Variants in ZNF385D observed in about 807,000 individuals in gnomAD.
ZNF385D encodes the protein zinc finger protein 385D, also known as zinc finger protein 659.
In ZNF385D, 15 loss-of-function variants were observed where a neutral mutation model predicts 35.8. The ratio of observed to expected loss-of-function variants is 0.42; its 90% CI spans 0.28 to 0.64. The LOEUF is 0.64. Among genes scored for constraint, ZNF385D ranks in the 30% least tolerant of loss-of-function variants. The pLI is 0.23. For missense variants in ZNF385D, 474 were observed against 494.6 expected (o/e 0.96, Z 0.39); for synonymous variants, 212 against 186.8 (o/e 1.13, Z -1.10).
chr3:22,314,171 ATGAG>A (rs1703753253), intron 2 of ZNF385D, among the ~76,000 whole-genome samples: 1 of 152,082 alleles, frequency 6.6e-6, no homozygotes, highest in African/African-American at 2.4e-5. Flanking sequence ...AGTTGGTTAT[ATGAG>A]TAAGTTCTTT....
chr3:21,933,557 A>G (rs1297244524), intron 3 of ZNF385D, among the ~76,000 whole-genome samples: 2 of 152,198 alleles, frequency 1.3e-5, no homozygotes, highest in East Asian at 3.9e-4. Flanking sequence ...TTTGTACTAT[A>G]TGGGCCTAAC....
At chr3:21,425,772 T>A in intron 5 of ZNF385D, 102 bp from the exon 6 acceptor site, 1 of 1,058,144 alleles carries the variant, frequency 9.5e-7, no homozygotes, top group Non-Finnish European at 1.3e-6. Flanking sequence ...AGTATATACC[T>A]TTAAGAAACA....
chr3:21,732,030 G>GTTTTTTTTTTTTTTTTTTTTT (rs1214143626), intron 1 of ZNF385D, among the ~76,000 whole-genome samples: 6 of 37,370 alleles, frequency 1.6e-4, no homozygotes, highest in Non-Finnish European at 2.8e-4. Flanking sequence ...TTTTTTCGGG[G>GTTTTTTTTTTTTTTTTTTTTT]TTTTTTTTTT....
intron 3 of ZNF385D, among the ~76,000 whole-genome samples, chr3:21,874,441 C>T (rs1697858364): frequency 1.3e-5 from 2 of 152,018 alleles, no homozygotes; most frequent in South Asian, 2.1e-4. Context: ...AATATTTTCT[C>T]CCACTCTGTA....
intron 3 of ZNF385D, among the ~76,000 whole-genome samples, chr3:21,809,933 T>C (rs946400737): frequency 3.3e-5 from 5 of 152,266 alleles, no homozygotes; most frequent in Admixed American, 6.5e-5. Flanking sequence ...TAGGCATAAA[T>C]TGTTTCACTG....
chr3:21,475,960 A>G (rs2125359681), intron 4 of ZNF385D, among the ~76,000 whole-genome samples: 1 of 152,172 alleles, frequency 6.6e-6, no homozygotes, highest in Non-Finnish European at 1.5e-5. Context: ...TGTATTTTGC[A>G]TGCCCAGTAA....
At position 21,421,352 on chromosome 3, in the gene ZNF385D, T is replaced by G. The variant is rs1376805464; in HGVS notation, c.1050A>C (p.Ala350=). 6.8e-6 allele frequency: 11 copies of G among 1,613,756 alleles called. 1 individual carries two copies. The South Asian group carries it at 1.2e-4, about 18-fold the overall frequency. Residue 350 remains alanine, a synonymous_variant, in exon 8 of 8, where the codon GCA becomes GCC. Transcript: ENST00000281523. Reference sequence around the variant, plus strand: ...TTCGAAGACTGAAGGGGGAACTCACTGCCACTGCTGCTGCGGCTGCTGCAG... The same window carrying G: ...TTCGAAGACTGAAGGGGGAACTCACGGCCACTGCTGCTGCGGCTGCTGCAG... ...LAAAAAAAAV[A]VSSPFSLRTA...
At chr3:21,426,458 T>G (rs1701031120) in intron 5 of ZNF385D, among the ~76,000 whole-genome samples, 1 of 152,226 alleles carries the variant, frequency 6.6e-6, no homozygotes, top group Non-Finnish European at 1.5e-5. Context: ...TTTGTTTTCT[T>G]GAGATCACTG....
At chr3:22,311,971 C>A (rs1703581303) in intron 2 of ZNF385D, among the ~76,000 whole-genome samples, 1 of 152,078 alleles carries the variant, frequency 6.6e-6, no homozygotes, top group Admixed American at 6.6e-5. Context: ...ATGCATTATG[C>A]AACAAGACAA....
At chr3:22,364,314 A>T (rs1275037095) in intron 2 of ZNF385D, among the ~76,000 whole-genome samples, 5 of 152,086 alleles carry the variant, frequency 3.3e-5, no homozygotes, top group Non-Finnish European at 7.4e-5. Flanking sequence ...CAACAAAGTA[A>T]AAGATAACCA....
At chr3:22,261,771 G>T (rs559303616) in intron 2 of ZNF385D, among the ~76,000 whole-genome samples, 1 of 152,040 alleles carries the variant, frequency 6.6e-6, no homozygotes, top group South Asian at 2.1e-4. Flanking sequence ...GAGCCCATCT[G>T]TTGGCTTCTT....
rs148590623 is a variant in ZNF385D, at chr3:22,036,115, C to T, written c.325+132702G>A. On this transcript the variant is annotated intron_variant, in intron 3 of 5. Coordinates refer to the ZNF385D transcript ENST00000494108. ...TTAAAATAACATGCATGAAATTCAA[C>T]GATGTACAGTAGTTAGAGAAAAAAT... is the stretch of plus-strand genomic sequence containing the variant. Among the ~76,000 whole-genome samples the T allele has an allele frequency of 1.3e-4, 20 of 151,974 alleles. No homozygotes were observed. The East Asian group carries it at 2.1e-3, about 16-fold the overall frequency.
chr3:21,473,475 T>A (rs758994013), intron 4 of ZNF385D, among the ~76,000 whole-genome samples: 1 of 152,062 alleles, frequency 6.6e-6, no homozygotes, highest in Non-Finnish European at 1.5e-5. Context: ...GGGAAATGTT[T>A]TATGTGTGGT....
chr3:21,926,997 G>A (rs1700761510), intron 3 of ZNF385D, among the ~76,000 whole-genome samples: 1 of 152,090 alleles, frequency 6.6e-6, no homozygotes, highest in South Asian at 2.1e-4. Context: ...GGGTCTAGTG[G>A]GAGGTGTTTG....
chr3:22,310,418 A>T (rs1416919785), intron 2 of ZNF385D, among the ~76,000 whole-genome samples: 3 of 152,000 alleles, frequency 2.0e-5, no homozygotes, highest in Admixed American at 2.0e-4. Context: ...ACATAATTTA[A>T]TGCTTATTTA....
Position 21,839,587 on chromosome 3 carries a change from G to A in ZNF385D, c.326-174559C>T, listed in dbSNP as rs543881368. 4.3e-4 allele frequency among the ~76,000 whole-genome samples: 65 copies of A among 152,152 alleles called. No homozygotes were observed. In the South Asian group the frequency reaches 0.012, roughly 28 times the overall value. On this transcript the variant is annotated intron_variant, in intron 3 of 5. Coordinates refer to the ZNF385D transcript ENST00000494108. ...CTTTTTCTATGATAACTAAGAGGCC[G>A]ACAATTTCAGTTGCTTACAAGAGTA...
intron 3 of ZNF385D, among the ~76,000 whole-genome samples, chr3:21,763,008 TTG>T (rs2070686357): frequency 6.6e-6 from 1 of 152,166 alleles, no homozygotes; most frequent in Non-Finnish European, 1.5e-5. Flanking sequence ...GACACTGTCA[TTG>T]AGTAGGTACT....
intron 3 of ZNF385D, among the ~76,000 whole-genome samples, chr3:21,881,484 A>G (rs1294409795): frequency 6.6e-6 from 1 of 151,922 alleles, no homozygotes; most frequent in South Asian, 2.1e-4. Context: ...GAAAACTACT[A>G]CTCATAGAAA....
intron 3 of ZNF385D, among the ~76,000 whole-genome samples, chr3:21,543,915 A>T (rs1453274345): frequency 6.6e-6 from 1 of 152,078 alleles, no homozygotes; most frequent in Non-Finnish European, 1.5e-5. Flanking sequence ...CTGCCTTAGG[A>T]AGTAAGTTTC....
Sources: allele counts gnomAD v4.1 joint callset (sites outside exome capture counted in the v4.1 genomes callset), GRCh38; gene constraint gnomAD v4.1.1; transcripts MANE v1.5; gene names NCBI Gene and HGNC (gene_info 2026-07-23, HGNC 2026-07-21).